The following PCDHGA7 variants were observed in gnomAD, a reference collection of about 807,000 sequenced individuals.
PCDHGA7 encodes protocadherin gamma subfamily A, 7.
Under a neutral mutation model 58.3 loss-of-function variants are expected in PCDHGA7, and 44 were observed. The observed-to-expected ratio is 0.75, with a 90% CI of 0.59 to 0.97. PCDHGA7 has a LOEUF of 0.97. Ranked by LOEUF, PCDHGA7 falls within the 50% of genes least tolerant of loss-of-function variation. The probability of loss-of-function intolerance (pLI) is 0.00; values close to 1 mark genes in which losing one functional copy is unlikely to be tolerated. For missense variants in PCDHGA7, 1,266 were observed against 1,188.7 expected (o/e 1.06, Z -0.96); for synonymous variants, 516 against 504.2 (o/e 1.02, Z -0.31).
intron 1 of PCDHGA7, among the ~76,000 whole-genome samples, chr5:141,450,322 T>A (rs1246284108): frequency 6.6e-6 from 1 of 152,106 alleles, no homozygotes; most frequent in African/African-American, 2.4e-5. Context: ...CTAGTTGCCA[T>A]GTCTCTTTAA....
At chr5:141,389,359 G>C (rs768908018) in intron 1 of PCDHGA7, 99 of 1,613,770 alleles carry the variant, frequency 6.1e-5, no homozygotes, top group Non-Finnish European at 8.2e-5. Context: ...ATCATGGCCA[G>C]TGACCTGGAG....
At position 141,447,650 on chromosome 5, in the gene PCDHGA7, T is replaced by C. The variant is rs555134653; in HGVS notation, c.2425-47157T>C. Reference sequence around the variant, plus strand: ...AACAGTATGAATGATGGTAGAATTTTCCCCCCCAGGAAGTTAGAACTGTTC... The same window carrying C: ...AACAGTATGAATGATGGTAGAATTTCCCCCCCCAGGAAGTTAGAACTGTTC... On this transcript the variant is annotated intron_variant, in intron 1 of 3. Transcript: ENST00000518325. Among the ~76,000 whole-genome samples, 24 of 152,106 alleles carry C rather than the reference T, an allele frequency of 1.6e-4. No homozygotes were observed. The South Asian group carries it at 2.3e-3, about 15-fold the overall frequency.
chr5:141,477,951 G>T lies in PCDHGA7; in HGVS notation c.2425-16856G>T. 3 of 1,614,120 alleles carry T rather than the reference G, an allele frequency of 1.9e-6. No homozygotes were observed. The highest frequency in any genetic ancestry group is 2.5e-6 in the Non-Finnish European group (3 of 1,180,024). Reference sequence around the variant, plus strand: ...GCCTGGCTCTCCTACAGTCTCTTGGGATCCCCTAACCAGAGCCTTTTTGCC... The same window carrying T: ...GCCTGGCTCTCCTACAGTCTCTTGGTATCCCCTAACCAGAGCCTTTTTGCC... On this transcript the variant is annotated intron_variant, in intron 1 of 3. Transcript: ENST00000518325. The surrounding 1 kb of genome is among the most constrained non-coding windows in gnomAD (Gnocchi z 4.9).
In PCDHGA7 at chr5:141,455,253, C is replaced by A. The variant is rs187877877; in HGVS notation, c.2425-39554C>A. 2.8e-3 allele frequency among the ~76,000 whole-genome samples: 433 copies of A among 151,986 alleles called. 1 individual carries two copies. Among genetic ancestry groups the A allele is most frequent in the Admixed American group, 0.021 (319 of 15,266 alleles). ...AAAATGTTAAAGGTCATAGTACAAT[C>A]GCATTTCTTCCCATTGATTATTAAC... is the stretch of plus-strand genomic sequence containing the variant. On this transcript the variant is annotated intron_variant, in intron 1 of 3. Coordinates refer to ENST00000518325, the MANE Select transcript of PCDHGA7 (RefSeq NM_018920.4).
chr5:141,432,137 T>A lies in PCDHGA7; in HGVS notation c.2424+46814T>A. On this transcript the variant is annotated intron_variant, in intron 1 of 3. Coordinates refer to ENST00000518325, the MANE Select transcript of PCDHGA7 (RefSeq NM_018920.4). The surrounding 1 kb of genome is among the most constrained non-coding windows in gnomAD (Gnocchi z 6.0). ...CTTCCCTCAGGCCTCCTATTCCGCT[T>A]ATATCCCAGAGAACAATCCCAGAGG... 6.2e-7 allele frequency: 1 copy of A among 1,613,964 alleles called. No homozygotes were observed. Among genetic ancestry groups the A allele is most frequent in the Non-Finnish European group, 8.5e-7 (1 of 1,179,984 alleles).
In PCDHGA7 at chr5:141,477,294, C is replaced by T. The variant is rs753131175; in HGVS notation, c.2425-17513C>T. ...GGGCTGGTGACCTGCGAAGTTCCAC[C>T]GGGTCTCCCTTTCAGCCTTACTTCT... is the stretch of plus-strand genomic sequence containing the variant. On this transcript the variant is annotated intron_variant, in intron 1 of 3. Transcript: ENST00000518325. The surrounding 1 kb of genome is among the most constrained non-coding windows in gnomAD (Gnocchi z 4.9). 4.3e-6 allele frequency: 7 copies of T among 1,614,142 alleles called. No individual in the cohort carries two copies. Among genetic ancestry groups the T allele is most frequent in the East Asian group, 4.5e-5 (2 of 44,872 alleles).
chr5:141,482,350 G>A lies in PCDHGA7; in HGVS notation c.2425-12457G>A, dbSNP rs184055854. ...AGAATATCTACTTTGCAAACTTGTT[G>A]TGAGAGTGAAAAGTAATGCATATAA... On this transcript the variant is annotated intron_variant, in intron 1 of 3. Coordinates refer to ENST00000518325, the MANE Select transcript of PCDHGA7 (RefSeq NM_018920.4). Among the ~76,000 whole-genome samples the A allele has an allele frequency of 5.3e-5, 8 of 152,200 alleles. No individual in the cohort carries two copies. In the East Asian group the frequency reaches 1.4e-3, roughly 26 times the overall value.
intron 1 of PCDHGA7, chr5:141,416,766 T>C (rs906070451): frequency 2.0e-5 from 3 of 152,212 alleles, no homozygotes; most frequent in African/African-American, 7.2e-5. Context: ...GATCTCTTAA[T>C]TTTATTACTA....
intron 1 of PCDHGA7, chr5:141,427,870 C>A (rs773176633): frequency 3.2e-6 from 5 of 1,558,750 alleles, no homozygotes; most frequent in Non-Finnish European, 4.4e-6. Context: ...TTCGAGCTCA[C>A]GATGCAGGCC....
chr5:141,470,872 T>G, intron 1 of PCDHGA7, among the ~76,000 whole-genome samples: 1 of 151,814 alleles, frequency 6.6e-6, no homozygotes, highest in East Asian at 1.9e-4. Context: ...GTTTGTTTGT[T>G]TTTTTGTTTT....
intron 1 of PCDHGA7, among the ~76,000 whole-genome samples, chr5:141,448,043 G>A (rs1000669754): frequency 3.3e-5 from 5 of 151,870 alleles, no homozygotes; most frequent in African/African-American, 1.2e-4. Context: ...CCAAGATCAT[G>A]CCATTGCTCT....
chr5:141,413,197 T>C (rs1429088178), intron 1 of PCDHGA7: 1 of 1,611,552 alleles, frequency 6.2e-7, no homozygotes, highest in Non-Finnish European at 8.5e-7. Flanking sequence ...AAGGAATCGC[T>C]CAAAGGAATC....
rs374191427 is a variant in PCDHGA7 at position 141,419,804 on chromosome 5, G to A, written c.2424+34481G>A. ...GCGCCTGCTAGTCGCTGTAAGAGAT[G>A]GAGGACAGCCACCCCTTTCAGCCAC... On this transcript the variant is annotated intron_variant, in intron 1 of 3. Coordinates refer to ENST00000518325, the MANE Select transcript of PCDHGA7 (RefSeq NM_018920.4). The A allele has an allele frequency of 2.8e-5, 45 of 1,613,946 alleles. No homozygotes were observed. The highest frequency in any genetic ancestry group is 1.6e-4 in the Middle Eastern group (1 of 6,082).
At chr5:141,385,779 A>G (rs956234823) in intron 1 of PCDHGA7, 3 of 161,336 alleles carry the variant, frequency 1.9e-5, no homozygotes, top group Admixed American at 1.8e-4. Context: ...GCCTCCATGT[A>G]CCTCAGCTTG....
At chr5:141,392,732 T>C in intron 1 of PCDHGA7, 1 of 1,414,588 alleles carries the variant, frequency 7.1e-7, no homozygotes. Context: ...AGGATTGTCA[T>C]CTCCATAGCT....
chr5:141,408,974 G>C lies in PCDHGA7; in HGVS notation c.2424+23651G>C, dbSNP rs899313364. 8.7e-6 allele frequency: 14 copies of C among 1,613,690 alleles called. No individual in the cohort carries two copies. In the African/African-American group the frequency reaches 1.9e-4, roughly 22 times the overall value. On this transcript the variant is annotated intron_variant, in intron 1 of 3. Transcript: ENST00000518325. ...TAGTCTTAGTGAAAATCTGCCCCCT[G>C]GGTCCCCTGTGTTGCAAGTGACAGC...
Position 141,491,737 on chromosome 5 carries a change from G to C in PCDHGA7, c.2425-3070G>C, listed in dbSNP as rs548808722. 1.2e-6 allele frequency: 2 copies of C among 1,600,586 alleles called. No homozygotes were observed. The highest frequency in any genetic ancestry group is 2.7e-5 in the African/African-American group (2 of 74,486). On this transcript the variant is annotated intron_variant, in intron 1 of 3. Transcript: ENST00000518325. The surrounding 1 kb of genome is among the most constrained non-coding windows in gnomAD (Gnocchi z 6.9). ...GGCGCCGCCCCGGGCGACCCCTGGG[G>C]GCGGCACTGGAGAAGCCGCCCGTCC...
rs757797019 is a variant in PCDHGA7 at position 141,487,064 on chromosome 5, G to A, written c.2425-7743G>A. On this transcript the variant is annotated intron_variant, in intron 1 of 3. Transcript: ENST00000518325. The surrounding 1 kb of genome is among the most constrained non-coding windows in gnomAD (Gnocchi z 5.0). The stretch of plus-strand genomic sequence containing the variant: ...TCGATATGCTGGGGAGGTGCGGACG[G>A]CTGTTCCTATCCCAGCTGACCTCCC... 6.2e-6 allele frequency: 10 copies of A among 1,614,006 alleles called. No individual in the cohort carries two copies.
Position 141,491,508 on chromosome 5 carries a change from G to A in PCDHGA7, c.2425-3299G>A. The A allele has an allele frequency of 6.2e-7, 1 of 1,614,030 alleles. No individual in the cohort carries two copies. The highest frequency in any genetic ancestry group is 8.5e-7 in the Non-Finnish European group (1 of 1,180,014). The stretch of plus-strand genomic sequence containing the variant: ...ACCTGCAGGTGAGCTCGGACGGCAC[G>A]CTCAAGTACATGGAGGTGACGCTGC... On this transcript the variant is annotated intron_variant, in intron 1 of 3. Transcript: ENST00000518325. This position sits in a 1 kb window ranked among gnomAD's most constrained non-coding sequence, Gnocchi z 6.9.
Sources: allele counts gnomAD v4.1 joint callset (sites outside exome capture counted in the v4.1 genomes callset), GRCh38; gene constraint gnomAD v4.1.1; non-coding constraint Gnocchi (gnomAD v3.1); transcripts MANE v1.5; gene names NCBI Gene and HGNC (gene_info 2026-07-23, HGNC 2026-07-21).